The following NAV2 variants were observed in gnomAD, a reference collection of about 807,000 sequenced individuals.
NAV2 encodes neuron navigator 2.
In NAV2, 54 loss-of-function variants were observed where a neutral mutation model predicts 223.2. That is an observed-to-expected ratio of 0.24 (90% confidence interval 0.19 to 0.30). The LOEUF (loss-of-function observed/expected upper bound fraction) is 0.30. Among genes scored for constraint, NAV2 ranks in the 10% least tolerant of loss-of-function variants. The pLI is 1.00. For missense variants in NAV2, 2,806 were observed against 3,147.5 expected (o/e 0.89, Z 2.60); for synonymous variants, 1,279 against 1,239.3 (o/e 1.03, Z -0.67).
chr11:19,510,112 C>T (rs983631585), intron 1 of NAV2, among the ~76,000 whole-genome samples: 1 of 152,058 alleles, frequency 6.6e-6, no homozygotes, highest in Non-Finnish European at 1.5e-5. Context: ...AAACAGGGAC[C>T]AAGAGAGATT....
intron 1 of NAV2, among the ~76,000 whole-genome samples, chr11:19,755,638 G>A (rs1022454836): frequency 5.3e-5 from 8 of 152,200 alleles, no homozygotes; most frequent in African/African-American, 1.9e-4. Flanking sequence ...TTGGTTTGTA[G>A]ATGCATCACT....
chr11:19,933,907 G>A lies in NAV2; in HGVS notation c.1663G>A (p.Glu555Lys). The A allele has an allele frequency of 1.3e-6, 2 of 1,586,308 alleles. No individual in the cohort carries two copies. Among genetic ancestry groups the A allele is most frequent in the Non-Finnish European group, 8.5e-7 (1 of 1,170,416 alleles). ...GGGGAAGCTCAACAGTGCCAAGAAGGAGCCCATGGCCCCTTCCCACAGTGG... is the reference window on the plus strand; with the variant it reads ...GGGGAAGCTCAACAGTGCCAAGAAGAAGCCCATGGCCCCTTCCCACAGTGG... ...KGGKLNSAKK[E>K]PMAPSHSGIP... The change falls in exon 7 of 38, where the codon GAG becomes AAG. Residue 555 changes from glutamate (E) to lysine (K), a missense_variant. Physicochemically the swap from Glu to Lys is moderately conservative, Grantham distance 56. This residue lies in a region of NAV2 where 1,167 missense variants were observed against 1,180.5 expected (regional missense o/e 0.99). Coordinates refer to ENST00000349880, the MANE Select transcript of NAV2 (RefSeq NM_145117.5). This position sits in a 1 kb window ranked among gnomAD's most constrained non-coding sequence, Gnocchi z 4.3.
intron 1 of NAV2, among the ~76,000 whole-genome samples, chr11:19,753,508 G>T (rs1458288292): frequency 6.6e-6 from 1 of 152,230 alleles, no homozygotes; most frequent in Admixed American, 6.5e-5. Flanking sequence ...AGCCCAGGCA[G>T]TTCCTCTTTG....
chr11:19,747,793 C>T (rs1229405130), intron 1 of NAV2, among the ~76,000 whole-genome samples: 2 of 152,180 alleles, frequency 1.3e-5, no homozygotes, highest in Non-Finnish European at 2.9e-5. Flanking sequence ...AATGCTTTCC[C>T]TTGGCAGTTA....
chr11:19,401,413 T>C (rs575738795), intron 1 of NAV2, among the ~76,000 whole-genome samples: 1 of 152,348 alleles, frequency 6.6e-6, no homozygotes, highest in East Asian at 1.9e-4. Context: ...AATAAATAAC[T>C]TATGTATGGC....
intron 1 of NAV2, among the ~76,000 whole-genome samples, chr11:19,721,097 C>T (rs577144045): frequency 1.1e-3 from 165 of 152,282 alleles, no homozygotes; most frequent in African/African-American, 3.8e-3. Flanking sequence ...AATATTTGAA[C>T]GCTTATCTGT....
At chr11:19,504,560 C>A (rs2043062862) in intron 1 of NAV2, 1 of 152,166 alleles carries the variant, frequency 6.6e-6, no homozygotes, top group Non-Finnish European at 1.5e-5. Context: ...TTCAGAGCAG[C>A]CCAATGTGAA....
At chr11:19,993,403 C>T (rs2051537032) in intron 11 of NAV2, among the ~76,000 whole-genome samples, 1 of 152,194 alleles carries the variant, frequency 6.6e-6, no homozygotes, top group Non-Finnish European at 1.5e-5. Context: ...ACCCACGTAA[C>T]TTTTCCTCAT....
chr11:19,662,615 G>T (rs1304226397), intron 1 of NAV2, among the ~76,000 whole-genome samples: 1 of 152,254 alleles, frequency 6.6e-6, no homozygotes, highest in African/African-American at 2.4e-5. Flanking sequence ...GCCCTCAGTT[G>T]TCTGGCACCC....
intron 6 of NAV2, among the ~76,000 whole-genome samples, chr11:19,932,615 A>C (rs1662404574): frequency 6.6e-6 from 1 of 152,192 alleles, no homozygotes; most frequent in Admixed American, 6.5e-5. Flanking sequence ...CACTGCACCC[A>C]GCCATTTGCA....
intron 1 of NAV2, among the ~76,000 whole-genome samples, chr11:19,546,638 G>A (rs1442739430): frequency 6.6e-6 from 1 of 152,164 alleles, no homozygotes; most frequent in African/African-American, 2.4e-5. Context: ...TTTTGGGGGT[G>A]TTTTCTATTA....
In NAV2 at chr11:20,048,612, G is replaced by A. The variant is rs114645006; in HGVS notation, c.3903-116G>A. 448 of 843,644 alleles carry A rather than the reference G, an allele frequency of 5.3e-4. No individual in the cohort carries two copies. The African/African-American group carries it at 6.7e-3, about 13-fold the overall frequency. The allele number at this position is 843,644 out of a possible 1,614,324, so 52.3% of individuals were successfully genotyped here. A position where few individuals can be genotyped will look rare whatever the true frequency, so the allele number is the denominator to read the frequency against. Reference sequence around the variant, plus strand: ...TACCGTTAGCCATTTCAGTAGGAATGGCTGTGCTTCCTTCCCCAGGAATTC... The same window carrying A: ...TACCGTTAGCCATTTCAGTAGGAATAGCTGTGCTTCCTTCCCCAGGAATTC... On this transcript the variant is annotated intron_variant, in intron 14 of 37. Transcript: ENST00000349880.
intron 1 of NAV2, among the ~76,000 whole-genome samples, chr11:19,566,408 C>T (rs1160233445): frequency 6.6e-6 from 1 of 152,186 alleles, no homozygotes; most frequent in African/African-American, 2.4e-5. Context: ...GCAGTTGTTA[C>T]AGACAAGCAA....
intron 1 of NAV2, among the ~76,000 whole-genome samples, chr11:19,718,790 A>G (rs2050520130): frequency 6.6e-6 from 1 of 152,086 alleles, no homozygotes; most frequent in Admixed American, 6.5e-5. Context: ...GTAACATTAC[A>G]TGTGTATATA....
chr11:19,638,861 C>T (rs747195351), intron 1 of NAV2, among the ~76,000 whole-genome samples: 9 of 152,122 alleles, frequency 5.9e-5, no homozygotes, highest in South Asian at 2.1e-4. Context: ...GGCGTGGTGG[C>T]GCACACCTGT....
chr11:19,588,662 G>C (rs531868640), intron 1 of NAV2, among the ~76,000 whole-genome samples: 2 of 152,174 alleles, frequency 1.3e-5, no homozygotes, highest in Non-Finnish European at 2.9e-5. Context: ...ACTGGAGGCA[G>C]AATGAAAAAG....
chr11:19,627,168 G>A (rs1486246065), intron 1 of NAV2, among the ~76,000 whole-genome samples: 3 of 152,226 alleles, frequency 2.0e-5, no homozygotes, highest in African/African-American at 4.8e-5. Flanking sequence ...TGGGTGGATC[G>A]CCTGAGGTCA....
At chr11:19,821,628 G>A (rs1437338867) in intron 1 of NAV2, among the ~76,000 whole-genome samples, 1 of 144,322 alleles carries the variant, frequency 6.9e-6, no homozygotes, top group Admixed American at 6.7e-5. Flanking sequence ...ATACAGTCCT[G>A]CAATGGTAAC....
At chr11:19,633,806 C>G (rs1737904113) in intron 1 of NAV2, among the ~76,000 whole-genome samples, 1 of 152,242 alleles carries the variant, frequency 6.6e-6, no homozygotes, top group Non-Finnish European at 1.5e-5. Context: ...GGGAGGACCC[C>G]TGTTCAGAAG....
Sources: allele counts gnomAD v4.1 joint callset (sites outside exome capture counted in the v4.1 genomes callset), GRCh38; gene constraint gnomAD v4.1.1; regional missense constraint gnomAD v4.1.1; non-coding constraint Gnocchi (gnomAD v3.1); transcripts MANE v1.5; gene names NCBI Gene and HGNC (gene_info 2026-07-23, HGNC 2026-07-21).